RAP1GDS1: variants seen among roughly 807,000 people sequenced by gnomAD.
RAP1GDS1 encodes Rap1 GTPase-GDP dissociation stimulator 1.
Under a neutral mutation model 71.1 loss-of-function variants are expected in RAP1GDS1, and 35 were observed. The observed-to-expected ratio is 0.49, with a 90% confidence interval of 0.38 to 0.65. RAP1GDS1 has a LOEUF of 0.65. Ranked by LOEUF, RAP1GDS1 falls within the 30% of genes least tolerant of loss-of-function variation. The pLI, the probability that RAP1GDS1 is intolerant of heterozygous loss-of-function variation, is 0.00. For synonymous variants in RAP1GDS1, 229 were observed against 243.1 expected (o/e 0.94, Z 0.54); for missense variants, 663 against 706.1 (o/e 0.94, Z 0.69).
At chr4:98,401,001 G>GT (rs1457205383) in intron 6 of RAP1GDS1, among the ~76,000 whole-genome samples, 28 of 152,174 alleles carry the variant, frequency 1.8e-4, no homozygotes, top group African/African-American at 5.5e-4. Context: ...GCCACTGGAA[G>GT]TTGGGTTCCA....
Position 98,275,018 on chromosome 4 carries a change from C to CTGTG in RAP1GDS1, c.4+13479_4+13482dup, listed in dbSNP as rs3974887. Among the ~76,000 whole-genome samples, 746 of 144,926 alleles carry CTGTG rather than the reference C, an allele frequency of 5.1e-3. 2 individuals are homozygous for CTGTG. Among genetic ancestry groups the CTGTG allele is most frequent in the East Asian group, 0.021 (104 of 4,954 alleles). On this transcript the variant is annotated intron_variant, in intron 1 of 14. Transcript: ENST00000408927. ...ACCCGGAAGCTTAATTTGTTTGCAGCTGTGTGTGTGTGTGTGTGTGTGTGT... is the reference window on the plus strand; with the variant it reads ...ACCCGGAAGCTTAATTTGTTTGCAGCTGTGTGTGTGTGTGTGTGTGTGTGTGTGT...
chr4:98,438,002 A>G (rs1037069224), intron 14 of RAP1GDS1, among the ~76,000 whole-genome samples: 6 of 151,950 alleles, frequency 3.9e-5, no homozygotes, highest in South Asian at 2.1e-4. Context: ...TGTTCTGTCA[A>G]TTGTCGAGAG....
At chr4:98,390,395 C>T (rs1743433564) in intron 5 of RAP1GDS1, among the ~76,000 whole-genome samples, 1 of 152,202 alleles carries the variant, frequency 6.6e-6, no homozygotes, top group South Asian at 2.1e-4. Flanking sequence ...GATTTCATAA[C>T]TTCATTACAA....
At chr4:98,316,931 A>G (rs1731025708) in intron 2 of RAP1GDS1, among the ~76,000 whole-genome samples, 1 of 152,172 alleles carries the variant, frequency 6.6e-6, no homozygotes, top group African/African-American at 2.4e-5. Flanking sequence ...CAGTGTAAGG[A>G]TGCCGCTATG....
intron 5 of RAP1GDS1, chr4:98,387,544 A>C: frequency 2.2e-6 from 1 of 448,872 alleles, no homozygotes; most frequent in Non-Finnish European, 4.5e-6. Context: ...TGATTGCCTT[A>C]TATCTCTTTG....
intron 13 of RAP1GDS1, among the ~76,000 whole-genome samples, chr4:98,434,970 G>A (rs1009865511): frequency 1.3e-5 from 2 of 152,116 alleles, no homozygotes; most frequent in African/African-American, 2.4e-5. Context: ...AAGCTAATCC[G>A]TAGACATCTA....
At chr4:98,332,615 A>G (rs1734163460) in intron 2 of RAP1GDS1, among the ~76,000 whole-genome samples, 1 of 152,206 alleles carries the variant, frequency 6.6e-6, no homozygotes, top group Admixed American at 6.5e-5. Flanking sequence ...AGCTATGAAT[A>G]TGAGAAGCTT....
chr4:98,408,251 C>G (rs1419912977), intron 7 of RAP1GDS1, among the ~76,000 whole-genome samples: 1 of 152,030 alleles, frequency 6.6e-6, no homozygotes, highest in Non-Finnish European at 1.5e-5. Context: ...CTCGGCTTCT[C>G]AAGTAGGTGG....
At chr4:98,335,780 C>G (rs1189159995) in intron 2 of RAP1GDS1, among the ~76,000 whole-genome samples, 1 of 96,602 alleles carries the variant, frequency 1.0e-5, no homozygotes, top group Non-Finnish European at 2.0e-5. Flanking sequence ...TTTTAAGTGA[C>G]TTCTTACCTT....
At chr4:98,285,291 T>C (rs1333003719) in intron 1 of RAP1GDS1, among the ~76,000 whole-genome samples, 2 of 152,176 alleles carry the variant, frequency 1.3e-5, no homozygotes, top group African/African-American at 4.8e-5. Flanking sequence ...GTTTCTTTAC[T>C]TGTTCTTTAT....
At chr4:98,288,886 AGTG>A in intron 1 of RAP1GDS1, among the ~76,000 whole-genome samples, 1 of 152,196 alleles carries the variant, frequency 6.6e-6, no homozygotes, top group East Asian at 1.9e-4. Context: ...CCGCAGCAGC[AGTG>A]AAGAGAAGCA....
intron 1 of RAP1GDS1, among the ~76,000 whole-genome samples, chr4:98,275,720 G>T (rs992502124): frequency 9.2e-5 from 14 of 151,996 alleles, no homozygotes; most frequent in Admixed American, 9.2e-4. Context: ...TTCTCTCTAT[G>T]AATTCCCTAT....
chr4:98,359,074 C>CA (rs2110436933), intron 4 of RAP1GDS1, among the ~76,000 whole-genome samples: 1 of 152,118 alleles, frequency 6.6e-6, no homozygotes, highest in South Asian at 2.1e-4. Flanking sequence ...CAGCATAGCT[C>CA]ACAGCAGTAA....
At chr4:98,286,002 C>A (rs1347642980) in intron 1 of RAP1GDS1, among the ~76,000 whole-genome samples, 1 of 150,566 alleles carries the variant, frequency 6.6e-6, no homozygotes, top group South Asian at 2.1e-4. Context: ...ACGGTGGGCT[C>A]ATGCCTATAA....
chr4:98,380,582 A>G (rs1741859043), intron 5 of RAP1GDS1, among the ~76,000 whole-genome samples: 1 of 151,842 alleles, frequency 6.6e-6, no homozygotes, highest in Admixed American at 6.6e-5. Flanking sequence ...TGCCCTAAAT[A>G]TAAATATGAG....
intron 6 of RAP1GDS1, among the ~76,000 whole-genome samples, chr4:98,398,299 C>G (rs991447679): frequency 6.0e-5 from 9 of 151,214 alleles, no homozygotes; most frequent in African/African-American, 2.2e-4. Flanking sequence ...GAAAAGTTAA[C>G]AGAGAGGAGG....
At chr4:98,389,667 A>G (rs1161858573) in intron 5 of RAP1GDS1, among the ~76,000 whole-genome samples, 1 of 152,188 alleles carries the variant, frequency 6.6e-6, no homozygotes, top group Non-Finnish European at 1.5e-5. Flanking sequence ...ATAATTTCAA[A>G]TATTACTGCT....
intron 4 of RAP1GDS1, among the ~76,000 whole-genome samples, chr4:98,356,877 A>G (rs12507425): frequency 0.067 from 10,129 of 151,996 alleles, 389 homozygotes; most frequent in Admixed American, 0.14. Flanking sequence ...AATGGGAAGG[A>G]TGCTGAAACA....
rs1257354112 is a variant in RAP1GDS1, at chr4:98,274,350, T to G, written c.4+12781T>G. 5.3e-5 allele frequency among the ~76,000 whole-genome samples: 8 copies of G among 152,142 alleles called. No individual in the cohort carries two copies. The East Asian group carries it at 1.3e-3, about 26-fold the overall frequency. ...TTTTGTTTCCATTTCTGATCAAAAT[T>G]TACAGAACTTATGATGGTTAAATCT... On this transcript the variant is annotated intron_variant, in intron 1 of 14. Coordinates refer to ENST00000408927, the MANE Select transcript of RAP1GDS1 (RefSeq NM_001100427.2).
Sources: gnomAD v4.1 joint callset for allele counts (sites outside exome capture counted in the v4.1 genomes callset) on GRCh38, gnomAD v4.1.1 for gene constraint, MANE v1.5 for transcripts, NCBI Gene and HGNC (gene_info 2026-07-23, HGNC 2026-07-21) for gene names.